The following NDUFAF6 variants were observed in gnomAD, a reference collection of about 807,000 sequenced individuals.
NDUFAF6 encodes the protein NADH:ubiquinone oxidoreductase complex assembly factor 6.
NDUFAF6 carries 45 observed loss-of-function variants against 40.8 expected under a neutral mutation model. The observed-to-expected ratio is 1.10, with a 90% CI of 0.87 to 1.42. NDUFAF6 has a LOEUF of 1.42. Ranked by LOEUF, NDUFAF6 falls within the 40% of genes most tolerant of loss-of-function variation. The pLI is 0.00. For synonymous variants in NDUFAF6, 185 were observed against 155.9 expected (o/e 1.19, Z -1.39); for missense variants, 435 against 418.5 (o/e 1.04, Z -0.34).
chr8:95,060,659 G>A (rs1380527232), downstream of NDUFAF6, among the ~76,000 whole-genome samples: 1 of 152,178 alleles, frequency 6.6e-6, no homozygotes, highest in Non-Finnish European at 1.5e-5. Flanking sequence ...TTAAGTTCAA[G>A]GTCATGGAGG....
At chr8:94,984,315 C>T (rs780683957) in intron 2 of NDUFAF6, 1 of 151,914 alleles carries the variant, frequency 6.6e-6, no homozygotes, top group Non-Finnish European at 1.5e-5. Flanking sequence ...GAGTTAAAAT[C>T]GTCATTCAAA....
chr8:94,930,701 C>A (rs758008415), intron 1 of NDUFAF6: 4 of 1,614,038 alleles, frequency 2.5e-6, no homozygotes, highest in African/African-American at 2.7e-5. Flanking sequence ...AATGAATATG[C>A]TGCCCCATTT....
chr8:94,923,702 CAG>C (rs1451961219), intron 1 of NDUFAF6, among the ~76,000 whole-genome samples: 1 of 145,648 alleles, frequency 6.9e-6, no homozygotes, highest in Non-Finnish European at 1.5e-5. Context: ...TTTTTTGAGA[CAG>C]AGTCTCGCTC....
At chr8:95,109,339 A>G (rs1349202658) in intron 4 of NDUFAF6, among the ~76,000 whole-genome samples, 2 of 152,202 alleles carry the variant, frequency 1.3e-5, no homozygotes, top group Non-Finnish European at 2.9e-5. Context: ...CATTTGATGG[A>G]TTTGTGCTGC....
At chr8:95,029,250 C>T (rs1248946149) in intron 1 of NDUFAF6, among the ~76,000 whole-genome samples, 5 of 152,116 alleles carry the variant, frequency 3.3e-5, no homozygotes, top group African/African-American at 1.2e-4. Context: ...GTCATCTTTC[C>T]TGGAGTGAAT....
downstream of NDUFAF6, among the ~76,000 whole-genome samples, chr8:95,118,098 C>G (rs1208297393): frequency 1.3e-5 from 2 of 152,168 alleles, no homozygotes; most frequent in African/African-American, 4.8e-5. Flanking sequence ...AAGTGGCTCA[C>G]TTGTCTGGCT....
chr8:94,966,014 T>C (rs1453614023), intron 1 of NDUFAF6, among the ~76,000 whole-genome samples: 2 of 152,272 alleles, frequency 1.3e-5, no homozygotes, highest in East Asian at 3.9e-4. Flanking sequence ...GCCAGCTGGC[T>C]CCATAATCTG....
chr8:95,049,252 A>C (rs1020895435), intron 7 of NDUFAF6, among the ~76,000 whole-genome samples: 4 of 152,000 alleles, frequency 2.6e-5, no homozygotes, highest in African/African-American at 9.7e-5. Context: ...TCTCTGTGTC[A>C]CTTTCTGATT....
chr8:94,953,406 A>G (rs956985913), upstream of NDUFAF6, among the ~76,000 whole-genome samples: 3 of 152,094 alleles, frequency 2.0e-5, no homozygotes, highest in Non-Finnish European at 4.4e-5. Flanking sequence ...CCCTTACTGG[A>G]TATGGTCTAG....
intron 2 of NDUFAF6, among the ~76,000 whole-genome samples, chr8:94,982,903 A>G (rs1825560003): frequency 6.6e-6 from 1 of 152,232 alleles, no homozygotes; most frequent in Non-Finnish European, 1.5e-5. Flanking sequence ...GAGGACTAAT[A>G]AAGACAGAAT....
intron 2 of NDUFAF6, chr8:95,034,672 T>C (rs1231510981): frequency 2.0e-5 from 3 of 152,638 alleles, no homozygotes; most frequent in African/African-American, 7.2e-5. Context: ...AAGTGGTCTG[T>C]GTCCTCTTCA....
intron 1 of NDUFAF6, among the ~76,000 whole-genome samples, chr8:95,030,851 T>C (rs1401886754): frequency 2.0e-5 from 3 of 152,214 alleles, no homozygotes; most frequent in Non-Finnish European, 4.4e-5. Context: ...CAGTATCTGC[T>C]CAGCTTCTGG....
At chr8:94,947,654 G>T (rs745307454) in intron 2 of NDUFAF6, among the ~76,000 whole-genome samples, 30 of 152,202 alleles carry the variant, frequency 2.0e-4, no homozygotes, top group African/African-American at 6.3e-4. Context: ...TGCAAGGGAG[G>T]TTATTCCCCC....
downstream of NDUFAF6, among the ~76,000 whole-genome samples, chr8:95,108,048 C>CA (rs1341326012): frequency 6.6e-6 from 1 of 152,156 alleles, no homozygotes; most frequent in Admixed American, 6.5e-5. Flanking sequence ...ACAACAACGA[C>CA]AAAAAACCAG....
At chr8:95,004,460 C>T (rs1407677260) in intron 2 of NDUFAF6, among the ~76,000 whole-genome samples, 1 of 150,362 alleles carries the variant, frequency 6.7e-6, no homozygotes, top group Non-Finnish European at 1.5e-5. Context: ...GCTCAAGCCT[C>T]CCACGTCAGC....
chr8:95,007,046 C>T (rs1364998514), intron 2 of NDUFAF6, among the ~76,000 whole-genome samples: 1 of 150,526 alleles, frequency 6.6e-6, no homozygotes, highest in African/African-American at 2.4e-5. Context: ...ACAACTTATT[C>T]TTAACTATCA....
intron 2 of NDUFAF6, among the ~76,000 whole-genome samples, chr8:95,019,043 G>C (rs1057169037): frequency 6.6e-6 from 1 of 152,084 alleles, no homozygotes; most frequent in Admixed American, 6.6e-5. Context: ...ACAGAGTCTC[G>C]CTCTAGACCC....
At chr8:95,063,546 G>A (rs953447953), downstream of NDUFAF6, among the ~76,000 whole-genome samples, 2 of 152,142 alleles carry the variant, frequency 1.3e-5, no homozygotes. Context: ...GCAATGAGCC[G>A]AGATCGCTCC....
intron 1 of NDUFAF6, among the ~76,000 whole-genome samples, chr8:94,922,884 T>C (rs75395557): frequency 0.027 from 4,151 of 152,282 alleles, 77 homozygotes; most frequent in African/African-American, 0.056. Context: ...GTATAGAGAA[T>C]TGACCAGTTG....
Sources: gnomAD v4.1 joint callset for allele counts (sites outside exome capture counted in the v4.1 genomes callset) on GRCh38, gnomAD v4.1.1 for gene constraint, MANE v1.5 for transcripts, NCBI Gene and HGNC (gene_info 2026-07-23, HGNC 2026-07-21) for gene names.